PCDHA2: variants seen among roughly 807,000 people sequenced by gnomAD.
The protein encoded by PCDHA2 is protocadherin alpha-2.
PCDHA2 carries 58 observed loss-of-function variants against 66.0 expected under a neutral mutation model. That is an observed-to-expected ratio of 0.88 (90% CI 0.71 to 1.09). The LOEUF (loss-of-function observed/expected upper bound fraction) is 1.09. Ranked by LOEUF, PCDHA2 falls within the 50% of genes least tolerant of loss-of-function variation. PCDHA2 has a pLI of 0.00. For synonymous variants in PCDHA2, 634 were observed against 554.0 expected, an observed-to-expected ratio of 1.14 and a Z score of -2.03; for missense variants, 1,267 against 1,242.3, an observed-to-expected ratio of 1.02 and a Z score of -0.30.
At chr5:140,802,913 C>A (rs782356178) in intron 1 of PCDHA2, 3 of 1,613,782 alleles carry the variant, frequency 1.9e-6, no homozygotes, top group Middle Eastern at 1.7e-4. Context: ...GGGTGGGTGG[C>A]ATCGGTGGCG....
intron 1 of PCDHA2, chr5:140,884,245 G>A: frequency 6.2e-7 from 1 of 1,613,462 alleles, no homozygotes; most frequent in Non-Finnish European, 8.5e-7. Context: ...AGCCCGCGCT[G>A]ACGGCCACGG....
Position 140,853,518 on chromosome 5 carries a change from C to A in PCDHA2, c.2388+56166C>A. On this transcript the variant is annotated intron_variant, in intron 1 of 3. Coordinates refer to ENST00000526136, the MANE Select transcript of PCDHA2 (RefSeq NM_018905.3). ...AGAATCATGAAACAATAATGAAGCT[C>A]CTCCTATGTCTCTTTTCAAGTTGTA... 2.0e-6 allele frequency: 2 copies of A among 976,172 alleles called. 1 individual carries two copies. 60.5% of individuals were successfully genotyped at this position (976,172 alleles called of 1,614,324 possible).
chr5:140,966,731 G>T, intron 1 of PCDHA2: 8 of 1,405,136 alleles, frequency 5.7e-6, no homozygotes, highest in Non-Finnish European at 7.4e-6. Context: ...TGCCGCCTCC[G>T]GCCCTGCCCG....
chr5:140,884,410 G>T, intron 1 of PCDHA2: 1 of 1,614,008 alleles, frequency 6.2e-7, no homozygotes, highest in South Asian at 1.1e-5. Context: ...TGGTGCTCAC[G>T]TTGCTGCTGT....
intron 1 of PCDHA2, chr5:140,856,802 GA>G (rs782128453): frequency 1.3e-6 from 2 of 1,595,592 alleles, no homozygotes; most frequent in East Asian, 4.5e-5. Context: ...TAAGATGTAT[GA>G]AAATCAAGTG....
intron 1 of PCDHA2, among the ~76,000 whole-genome samples, chr5:140,838,881 C>G (rs2150293311): frequency 2.0e-5 from 3 of 151,836 alleles, no homozygotes; most frequent in Non-Finnish European, 4.4e-5. Flanking sequence ...TGCCACTGAA[C>G]TCCAGCCTAG....
chr5:140,961,672 A>T (rs1463428757), intron 1 of PCDHA2, among the ~76,000 whole-genome samples: 2 of 152,182 alleles, frequency 1.3e-5, no homozygotes, highest in East Asian at 3.8e-4. Flanking sequence ...ACCAGTTTTT[A>T]ATTAAGCCGG....
chr5:140,808,989 C>T lies in PCDHA2; in HGVS notation c.2388+11637C>T. 1 of 1,613,702 alleles carries T rather than the reference C, an allele frequency of 6.2e-7. No individual in the cohort carries two copies. Among genetic ancestry groups the T allele is most frequent in the Non-Finnish European group, 8.5e-7 (1 of 1,179,748 alleles). On this transcript the variant is annotated intron_variant, in intron 1 of 3. Coordinates refer to ENST00000526136, the MANE Select transcript of PCDHA2 (RefSeq NM_018905.3). ...AAGGTGCGCGCGGTGGATGCTGACT[C>T]GGGCTACAACGCGTGGCTTTCGTAC...
intron 1 of PCDHA2, chr5:140,871,024 T>C: frequency 6.2e-7 from 1 of 1,613,196 alleles, no homozygotes; most frequent in Non-Finnish European, 8.5e-7. Context: ...CGAGGCAGAC[T>C]CGCCGCGCCA....
Position 140,805,615 on chromosome 5 carries a change from A to G in PCDHA2, c.2388+8263A>G, listed in dbSNP as rs532601368. ...CTTTATATATTAAATTTCTTTATGT[A>G]AGAAAATGTATTGTGGTTTATTTAT... On this transcript the variant is annotated intron_variant, in intron 1 of 3. Transcript: ENST00000526136. 1.6e-5 allele frequency: 15 copies of G among 918,546 alleles called. No homozygotes were observed. The East Asian group carries it at 4.7e-4, about 29-fold the overall frequency. 56.9% of individuals were successfully genotyped at this position (918,546 alleles called of 1,614,324 possible).
chr5:140,862,647 C>T (rs2047469341), intron 1 of PCDHA2: 12 of 541,942 alleles, frequency 2.2e-5, no homozygotes, highest in South Asian at 1.7e-4. Context: ...TCACAGTGTC[C>T]GCGCGGGACC....
At chr5:140,838,971 A>C (rs139822450) in intron 1 of PCDHA2, among the ~76,000 whole-genome samples, 1 of 152,152 alleles carries the variant, frequency 6.6e-6, no homozygotes, top group East Asian at 1.9e-4. Context: ...CAGAACTGAC[A>C]ATTTTCACTG....
chr5:140,958,872 G>T (rs993434831), intron 1 of PCDHA2, among the ~76,000 whole-genome samples: 1 of 151,970 alleles, frequency 6.6e-6, no homozygotes, highest in Non-Finnish European at 1.5e-5. Context: ...GTTTATAAAA[G>T]AATTGACCAG....
chr5:140,873,205 T>TTTTAAAAGTATTCTTAA (rs2054160501), intron 1 of PCDHA2, among the ~76,000 whole-genome samples: 1 of 152,206 alleles, frequency 6.6e-6, no homozygotes, highest in Non-Finnish European at 1.5e-5. Flanking sequence ...AAACATTCTT[T>TTTTAAAAGTATTCTTAA]AAGTATTAAA....
At chr5:140,831,653 A>G (rs1426760036) in intron 1 of PCDHA2, among the ~76,000 whole-genome samples, 1 of 151,162 alleles carries the variant, frequency 6.6e-6, no homozygotes, top group Non-Finnish European at 1.5e-5. Flanking sequence ...GTGAGCCACT[A>G]TGCTTGGCTA....
chr5:140,969,424 G>A (rs1554231783), intron 1 of PCDHA2: 1 of 1,558,342 alleles, frequency 6.4e-7, no homozygotes, highest in South Asian at 1.2e-5. Context: ...GTCATTAACA[G>A]TGACAAGAGT....
chr5:140,881,409 A>G (rs2153379419), intron 1 of PCDHA2: 1 of 950,550 alleles, frequency 1.1e-6, no homozygotes, highest in East Asian at 1.2e-4. Context: ...TTAAATCAAT[A>G]GGATATTAGT....
chr5:140,982,967 T>C (rs1395576199), intron 3 of PCDHA2, among the ~76,000 whole-genome samples: 1 of 150,996 alleles, frequency 6.6e-6, no homozygotes, highest in Non-Finnish European at 1.5e-5. Flanking sequence ...CCACCCAAAG[T>C]AGTAAGGAAA....
chr5:140,834,793 A>G (rs1554134523), intron 1 of PCDHA2: 4 of 1,613,670 alleles, frequency 2.5e-6, no homozygotes, highest in South Asian at 2.2e-5. Flanking sequence ...CCAGCGACAC[A>G]AAGGAATCTG....
Sources: allele counts gnomAD v4.1 joint callset (sites outside exome capture counted in the v4.1 genomes callset), GRCh38; gene constraint gnomAD v4.1.1; transcripts MANE v1.5; gene names NCBI Gene and HGNC (gene_info 2026-07-23, HGNC 2026-07-21).